NUP93: variants seen among roughly 807,000 people sequenced by gnomAD.
NUP93 encodes the protein nucleoporin 93.
A neutral mutation model predicts 107.8 loss-of-function variants in NUP93; 55 were observed. The observed-to-expected ratio is 0.51, with a 90% CI of 0.41 to 0.64. The LOEUF (loss-of-function observed/expected upper bound fraction) is 0.64. Ranked by LOEUF, NUP93 falls within the 30% of genes least tolerant of loss-of-function variation. The pLI, the probability that NUP93 is intolerant of heterozygous loss-of-function variation, is 0.00. For synonymous variants in NUP93, 390 were observed against 397.5 expected, an observed-to-expected ratio of 0.98 and a Z score of 0.22; for missense variants, 937 against 1,044.7, an observed-to-expected ratio of 0.90 and a Z score of 1.42.
In NUP93 at chr16:56,772,965, C is replaced by T. The variant is rs1462024879; in HGVS notation, c.297+14310C>T. 2.6e-5 allele frequency among the ~76,000 whole-genome samples: 4 copies of T among 152,190 alleles called. No homozygotes were observed. In the East Asian group the frequency reaches 5.8e-4, roughly 22 times the overall value. On this transcript the variant is annotated intron_variant, in intron 3 of 21. Transcript: ENST00000308159. Reference sequence around the variant, plus strand: ...GAGAGGATCTGAAGGTTAAGTTGATCACCAGTGGCCAGTGGTTTACTCAGG... The same window carrying T: ...GAGAGGATCTGAAGGTTAAGTTGATTACCAGTGGCCAGTGGTTTACTCAGG...
At chr16:56,759,687 A>G (rs1962088473) in intron 3 of NUP93, among the ~76,000 whole-genome samples, 1 of 151,810 alleles carries the variant, frequency 6.6e-6, no homozygotes, top group Non-Finnish European at 1.5e-5. Flanking sequence ...ATACTTTTTA[A>G]ACTTTTTTTT....
chr16:56,732,689 C>A (rs936710789), intron 1 of NUP93, among the ~76,000 whole-genome samples: 1 of 152,038 alleles, frequency 6.6e-6, no homozygotes, highest in Non-Finnish European at 1.5e-5. Context: ...AGGAGGGGGA[C>A]AGGTTGGAGC....
chr16:56,762,527 T>G (rs1962145053), intron 3 of NUP93, among the ~76,000 whole-genome samples: 1 of 152,230 alleles, frequency 6.6e-6, no homozygotes. Context: ...ATTGTATGCT[T>G]GTATCAAAGT....
At chr16:56,779,304 C>G (rs1437231170) in intron 3 of NUP93, among the ~76,000 whole-genome samples, 1 of 152,162 alleles carries the variant, frequency 6.6e-6, no homozygotes, top group East Asian at 1.9e-4. Context: ...TCAATAGCTC[C>G]CTTTTCTAGA....
At chr16:56,815,917 G>GTGCTGCTGCTGCTGC (rs1362561971) in intron 5 of NUP93, among the ~76,000 whole-genome samples, 13 of 129,402 alleles carry the variant, frequency 1.0e-4, no homozygotes, top group African/African-American at 2.8e-4. Flanking sequence ...GCTGCTGCTG[G>GTGCTGCTGCTGCTGC]TGCTGCTGCT....
intron 3 of NUP93, among the ~76,000 whole-genome samples, chr16:56,783,029 A>G (rs574838954): frequency 1.4e-4 from 22 of 152,230 alleles, no homozygotes; most frequent in Non-Finnish European, 2.1e-4. Flanking sequence ...AGGGTGATAG[A>G]ATTATAAATC....
chr16:56,748,981 C>G (rs1316355403), intron 2 of NUP93, among the ~76,000 whole-genome samples: 4 of 152,164 alleles, frequency 2.6e-5, no homozygotes, highest in African/African-American at 9.7e-5. Context: ...GATTGTAGAA[C>G]AGGAGAGTGG....
At chr16:56,835,618 CT>C (rs1963892580) in intron 16 of NUP93, among the ~76,000 whole-genome samples, 1 of 152,212 alleles carries the variant, frequency 6.6e-6, no homozygotes, top group Non-Finnish European at 1.5e-5. Flanking sequence ...ACCTTATCCT[CT>C]GCTACCTCCC....
chr16:56,777,038 G>GTGTGTGTGTGTGCACA (rs1962428414), intron 3 of NUP93, among the ~76,000 whole-genome samples: 2 of 152,110 alleles, frequency 1.3e-5, no homozygotes, highest in Non-Finnish European at 1.5e-5. Flanking sequence ...GTGTGTGCAC[G>GTGTGTGTGTGTGCACA]CACGTGTGTG....
At chr16:56,789,765 C>A (rs185888038) in intron 3 of NUP93, among the ~76,000 whole-genome samples, 258 of 152,374 alleles carry the variant, frequency 1.7e-3, no homozygotes, top group Admixed American at 4.1e-3. Flanking sequence ...TATATGCAAT[C>A]TGTGAACAAA....
At chr16:56,757,193 T>C (rs1332372565) in intron 2 of NUP93, among the ~76,000 whole-genome samples, 2 of 152,244 alleles carry the variant, frequency 1.3e-5, no homozygotes, top group African/African-American at 2.4e-5. Flanking sequence ...TTGAAACTTT[T>C]AGGTGTTATA....
intron 5 of NUP93, among the ~76,000 whole-genome samples, chr16:56,815,859 A>ATTGCTACTGCTGCTG (rs1555495718): frequency 1.6e-4 from 14 of 85,024 alleles, no homozygotes; most frequent in Admixed American, 6.0e-4. Flanking sequence ...TCCAGCTACT[A>ATTGCTACTGCTGCTG]CTGCTACTGC....
intron 3 of NUP93, among the ~76,000 whole-genome samples, chr16:56,769,788 T>C (rs538481493): frequency 1.3e-5 from 2 of 152,246 alleles, no homozygotes; most frequent in African/African-American, 4.8e-5. Context: ...TTTACTGTAA[T>C]ACTGAACTAT....
At chr16:56,818,325 T>A (rs1963474504) in intron 5 of NUP93, among the ~76,000 whole-genome samples, 1 of 152,090 alleles carries the variant, frequency 6.6e-6, no homozygotes, top group Non-Finnish European at 1.5e-5. Context: ...TGTGAAGACA[T>A]GGGAAGGGAG....
In NUP93 at chr16:56,833,271, C is replaced by G. The variant is rs1261895816; in HGVS notation, c.1402C>G (p.Leu468Val). The change falls in exon 13 of 22, where the codon CTG becomes GTG. Residue 468 changes from leucine (L) to valine (V), a missense_variant. Leu to Val is a conservative substitution (Grantham distance 32). Transcript: ENST00000308159. The stretch of plus-strand genomic sequence containing the variant: ...CTTCCTCTACTTCCAAGTCCTGTTC[C>G]TGACAGCGCAGTTTGAAGCAGCAGT... ...QPFLYFQVLF[L>V]TAQFEAAVAF... is the part of the protein sequence containing the mutation. 1.2e-6 allele frequency: 2 copies of G among 1,607,056 alleles called. No homozygotes were observed. Among genetic ancestry groups the G allele is most frequent in the East Asian group, 2.3e-5 (1 of 44,418 alleles).
At chr16:56,756,493 G>A (rs755036591) in intron 2 of NUP93, among the ~76,000 whole-genome samples, 8 of 152,086 alleles carry the variant, frequency 5.3e-5, no homozygotes, top group Non-Finnish European at 1.2e-4. Flanking sequence ...TGATGGCTGC[G>A]TGGTATTCCA....
intron 8 of NUP93, among the ~76,000 whole-genome samples, chr16:56,824,993 A>C (rs1037509728): frequency 1.4e-4 from 21 of 152,308 alleles, no homozygotes; most frequent in Admixed American, 5.2e-4. Context: ...CATACATAGT[A>C]GCATTTATTT....
At chr16:56,744,133 C>T (rs1352620446) in intron 1 of NUP93, among the ~76,000 whole-genome samples, 2 of 152,170 alleles carry the variant, frequency 1.3e-5, no homozygotes, top group African/African-American at 4.8e-5. Context: ...CTTCCTGTGC[C>T]TCTCCTCCAT....
At chr16:56,768,955 C>T (rs1008239193) in intron 3 of NUP93, among the ~76,000 whole-genome samples, 2 of 152,070 alleles carry the variant, frequency 1.3e-5, no homozygotes, top group African/African-American at 2.4e-5. Flanking sequence ...TATGTTCAGA[C>T]GTGTGCTAAG....
Sources: allele counts gnomAD v4.1 joint callset (sites outside exome capture counted in the v4.1 genomes callset), GRCh38; gene constraint gnomAD v4.1.1; transcripts MANE v1.5; gene names NCBI Gene and HGNC (gene_info 2026-07-23, HGNC 2026-07-21).